Variants in TJP3 observed in about 807,000 individuals in gnomAD.
The protein encoded by TJP3 is tight junction protein ZO-3.
Under a neutral mutation model 104.2 loss-of-function variants are expected in TJP3, and 85 were observed. That is an observed-to-expected ratio of 0.82 (90% CI 0.68 to 0.98). TJP3 has a LOEUF of 0.98. Among genes scored for constraint, TJP3 ranks in the 50% least tolerant of loss-of-function variants. TJP3 has a pLI of 0.00. For synonymous variants in TJP3, 550 were observed against 550.6 expected (o/e 1.00, Z 0.02); for missense variants, 1,367 against 1,322.8 (o/e 1.03, Z -0.52).
chr19:3,745,131 G>C (rs1477137595), intron 15 of TJP3, among the ~76,000 whole-genome samples: 1 of 80,322 alleles, frequency 1.2e-5, no homozygotes, highest in Non-Finnish European at 2.4e-5. Context: ...CAAATTTTAT[G>C]TCTTTTTTTT....
intron 5 of TJP3, among the ~76,000 whole-genome samples, chr19:3,731,657 T>G (rs189876924): frequency 6.8e-6 from 1 of 147,984 alleles, no homozygotes; most frequent in Non-Finnish European, 1.5e-5. Flanking sequence ...AAATAAAAAA[T>G]AAAAATTGAA....
chr19:3,719,182 T>TGG (rs1012003488), intron 1 of TJP3, among the ~76,000 whole-genome samples: 1 of 151,682 alleles, frequency 6.6e-6, no homozygotes, highest in African/African-American at 2.4e-5. Flanking sequence ...GTGTCCGTCT[T>TGG]GGGGGGTGGT....
At chr19:3,739,384 G>T (rs2036782208) in intron 13 of TJP3, among the ~76,000 whole-genome samples, 1 of 152,182 alleles carries the variant, frequency 6.6e-6, no homozygotes, top group East Asian at 1.9e-4. Flanking sequence ...CAGCTTCTTG[G>T]GAGGCTGAGG....
chr19:3,717,624 T>C (rs1457911957), intron 1 of TJP3, among the ~76,000 whole-genome samples: 1 of 150,590 alleles, frequency 6.6e-6, no homozygotes, highest in Admixed American at 6.6e-5. Context: ...TTTGTAGAGA[T>C]GGGTTTTGCC....
intron 1 of TJP3, among the ~76,000 whole-genome samples, chr19:3,719,799 G>GA (rs1195035280): frequency 1.3e-5 from 2 of 151,502 alleles, no homozygotes; most frequent in Non-Finnish European, 2.9e-5. Context: ...AAGGTGCGTT[G>GA]AAATGCCTTC....
Position 3,746,120 on chromosome 19 carries a change from G to T in TJP3, c.2010+39G>T. On this transcript the variant is annotated intron_variant, in intron 16 of 20. Transcript: ENST00000541714. The surrounding 1 kb of genome is among the most constrained non-coding windows in gnomAD (Gnocchi z 4.1). ...TGCTACGGGTCCCATTTCATGGATGGGGGAAACCGAGGCCTGGGCATCCAA... is the reference window on the plus strand; with the variant it reads ...TGCTACGGGTCCCATTTCATGGATGTGGGAAACCGAGGCCTGGGCATCCAA... 6.4e-7 allele frequency: 1 copy of T among 1,569,972 alleles called. No homozygotes were observed. Among genetic ancestry groups the T allele is most frequent in the Non-Finnish European group, 8.7e-7 (1 of 1,152,804 alleles).
chr19:3,748,884 A>G (rs1599166835), intron 19 of TJP3, among the ~76,000 whole-genome samples: 1 of 82,280 alleles, frequency 1.2e-5, no homozygotes, highest in Non-Finnish European at 2.2e-5. Flanking sequence ...TTTGAGTTAG[A>G]GTCTCGCTCT....
At chr19:3,740,799 TCA>T in intron 14 of TJP3, 36 bp downstream of exon 14, 1 of 1,494,420 alleles carries the variant, frequency 6.7e-7, no homozygotes, top group South Asian at 1.3e-5. Context: ...TGGGGAGGCC[TCA>T]CACACAGCTC....
intron 15 of TJP3, among the ~76,000 whole-genome samples, chr19:3,745,507 C>T (rs1202471540): frequency 6.6e-6 from 1 of 152,134 alleles, no homozygotes; most frequent in Non-Finnish European, 1.5e-5. Flanking sequence ...CTCCTTGAAC[C>T]CCTCCATGCC....
At chr19:3,734,531 C>T in intron 8 of TJP3, 96 bp downstream of exon 8, 1 of 1,094,884 alleles carries the variant, frequency 9.1e-7, no homozygotes, top group Non-Finnish European at 1.3e-6. Flanking sequence ...TGGGGGTAAC[C>T]TTGAGGACGC....
At chr19:3,739,400 G>A (rs1465615287) in intron 13 of TJP3, among the ~76,000 whole-genome samples, 3 of 152,134 alleles carry the variant, frequency 2.0e-5, no homozygotes, top group African/African-American at 4.8e-5. Context: ...TGAGGCAGGA[G>A]AATCGCTTGA....
chr19:3,735,745 A>T, intron 9 of TJP3, 106 bp downstream of exon 9: 1 of 1,584,794 alleles, frequency 6.3e-7, no homozygotes, highest in Non-Finnish European at 8.7e-7. Context: ...AAGTGGTGAG[A>T]CATGGTTTCC....
chr19:3,712,446 A>G (rs974364360), intron 1 of TJP3, among the ~76,000 whole-genome samples: 1 of 152,316 alleles, frequency 6.6e-6, no homozygotes, highest in South Asian at 2.1e-4. Context: ...GAGTGGAGTT[A>G]GAAGCATGGA....
At chr19:3,739,218 G>A (rs1039699911) in intron 13 of TJP3, 84 bp downstream of exon 13, 14 of 1,313,940 alleles carry the variant, frequency 1.1e-5, no homozygotes, top group Middle Eastern at 2.8e-4. Flanking sequence ...TGGGCTGGAC[G>A]CGGTGGCTCA....
chr19:3,720,835 C>T (rs2036533846), intron 1 of TJP3, among the ~76,000 whole-genome samples: 1 of 151,754 alleles, frequency 6.6e-6, no homozygotes, highest in Non-Finnish European at 1.5e-5. Flanking sequence ...TTCCTCCTGC[C>T]TTGCACTCTG....
At chr19:3,744,467 C>T (rs950881133) in intron 15 of TJP3, among the ~76,000 whole-genome samples, 1 of 152,002 alleles carries the variant, frequency 6.6e-6, no homozygotes, top group African/African-American at 2.4e-5. Context: ...AGATTGAGAC[C>T]ATCCTGGCTA....
chr19:3,712,001 C>CCT (rs759994185), intron 1 of TJP3, among the ~76,000 whole-genome samples: 2 of 150,528 alleles, frequency 1.3e-5, no homozygotes, highest in Non-Finnish European at 3.0e-5. Flanking sequence ...TTCTTGATTG[C>CCT]CTGTGTGTGT....
chr19:3,721,820 C>A, intron 1 of TJP3: 1 of 922,598 alleles, frequency 1.1e-6, no homozygotes, highest in Non-Finnish European at 1.4e-6. Context: ...CCTCCCCCAG[C>A]CCGGGGTGGG....
chr19:3,734,136 C>A, intron 7 of TJP3, 191 bp from the exon 8 acceptor site: 1 of 832,996 alleles, frequency 1.2e-6, no homozygotes, highest in Non-Finnish European at 1.8e-6. Context: ...ATTCTCGTGC[C>A]TTGGCCTCCT....
Sources: gnomAD v4.1 joint callset for allele counts (sites outside exome capture counted in the v4.1 genomes callset) on GRCh38, gnomAD v4.1.1 for gene constraint, Gnocchi (gnomAD v3.1) non-coding constraint, MANE v1.5 for transcripts, NCBI Gene and HGNC (gene_info 2026-07-23, HGNC 2026-07-21) for gene names.